PIK3C2G: variants seen among roughly 807,000 people sequenced by gnomAD.
The protein encoded by PIK3C2G is phosphatidylinositol-4-phosphate 3-kinase catalytic subunit type 2 gamma.
Under a neutral mutation model 181.1 loss-of-function variants are expected in PIK3C2G, and 168 were observed. The observed-to-expected ratio is 0.93, with a 90% CI of 0.82 to 1.05. PIK3C2G has a LOEUF of 1.05. Among genes scored for constraint, PIK3C2G ranks in the 50% least tolerant of loss-of-function variants. PIK3C2G has a pLI of 0.00. For missense variants in PIK3C2G, 1,869 were observed against 1,732.8 expected (o/e 1.08, Z -1.40); for synonymous variants, 573 against 592.2 (o/e 0.97, Z 0.47).
At chr12:18,421,639 G>C (rs530184826) in intron 17 of PIK3C2G, among the ~76,000 whole-genome samples, 106 of 152,100 alleles carry the variant, frequency 7.0e-4, no homozygotes, top group Middle Eastern at 3.4e-3. Flanking sequence ...AAATAACAGA[G>C]TATCTAATAG....
chr12:18,500,691 C>T (rs207472699), intron 22 of PIK3C2G, among the ~76,000 whole-genome samples: 1 of 152,120 alleles, frequency 6.6e-6, no homozygotes, highest in East Asian at 1.9e-4. Context: ...ACAGACCACT[C>T]GGCTCTACCA....
intron 6 of PIK3C2G, among the ~76,000 whole-genome samples, chr12:18,320,373 T>C (rs1189552792): frequency 6.6e-6 from 1 of 152,092 alleles, no homozygotes; most frequent in Non-Finnish European, 1.5e-5. Context: ...GCCATAGGCA[T>C]GATATTTTAA....
At chr12:18,373,616 G>A (rs1010821045) in intron 13 of PIK3C2G, among the ~76,000 whole-genome samples, 11 of 152,106 alleles carry the variant, frequency 7.2e-5, no homozygotes, top group African/African-American at 2.7e-4. Flanking sequence ...TTGGGAGGCC[G>A]AGGCGGGTGG....
chr12:18,324,380 T>C (rs1196196661), intron 7 of PIK3C2G, among the ~76,000 whole-genome samples: 2 of 150,100 alleles, frequency 1.3e-5, no homozygotes, highest in Non-Finnish European at 3.0e-5. Flanking sequence ...GTAAAAATAA[T>C]GGTGTTTGTT....
At chr12:18,529,025 G>A (rs937480108) in intron 24 of PIK3C2G, among the ~76,000 whole-genome samples, 4 of 152,060 alleles carry the variant, frequency 2.6e-5, no homozygotes, top group Non-Finnish European at 4.4e-5. Context: ...GTTCAAAGTT[G>A]TAGGTAATAA....
intron 1 of PIK3C2G, among the ~76,000 whole-genome samples, chr12:18,272,526 T>C (rs983704669): frequency 2.0e-5 from 3 of 152,170 alleles, no homozygotes; most frequent in Non-Finnish European, 2.9e-5. Flanking sequence ...TTTATTTATT[T>C]CTCTTCTACA....
At chr12:18,531,695 C>T (rs1367986178) in intron 24 of PIK3C2G, among the ~76,000 whole-genome samples, 1 of 152,142 alleles carries the variant, frequency 6.6e-6, no homozygotes, top group Non-Finnish European at 1.5e-5. Flanking sequence ...TTAATTCAAG[C>T]TGTTGTGTTT....
At chr12:18,414,824 G>A (rs774999889) in intron 16 of PIK3C2G, among the ~76,000 whole-genome samples, 5 of 152,060 alleles carry the variant, frequency 3.3e-5, no homozygotes, top group East Asian at 3.9e-4. Context: ...TTTTTAATGC[G>A]GCCAACACTT....
chr12:18,547,664 C>CAAAACAAAACAAAACAAAACA (rs1555120939), intron 26 of PIK3C2G, among the ~76,000 whole-genome samples: 21 of 151,300 alleles, frequency 1.4e-4, no homozygotes, highest in African/African-American at 4.6e-4. Context: ...CAAAACAAAA[C>CAAAACAAAACAAAACAAAACA]AAAAAAAACC....
chr12:18,451,798 G>A (rs1055411347), intron 18 of PIK3C2G, among the ~76,000 whole-genome samples: 12 of 152,072 alleles, frequency 7.9e-5, no homozygotes, highest in South Asian at 2.1e-4. Context: ...GAATTTTATC[G>A]AAGGCCTTTT....
intron 31 of PIK3C2G, among the ~76,000 whole-genome samples, chr12:18,635,060 G>C (rs1949530316): frequency 1.3e-5 from 2 of 152,152 alleles, no homozygotes; most frequent in South Asian, 2.1e-4. Context: ...CAGGTGAACT[G>C]CTTGAAATTT....
exon 1 of PIK3C2G, chr12:18,247,681 G>C (rs1454631690): frequency 6.6e-6 from 1 of 152,192 alleles, no homozygotes. Flanking sequence ...CTTTCCAGTT[G>C]ATCAGCACCA....
the PIK3C2G span, among the ~76,000 whole-genome samples, chr12:18,720,830 G>A: frequency 6.6e-6 from 1 of 151,992 alleles, no homozygotes; most frequent in East Asian, 1.9e-4. Flanking sequence ...ACAAATTAAA[G>A]CTCAAAATAT....
At chr12:18,368,475 T>C (rs1941799045) in intron 12 of PIK3C2G, among the ~76,000 whole-genome samples, 1 of 152,200 alleles carries the variant, frequency 6.6e-6, no homozygotes, top group Non-Finnish European at 1.5e-5. Flanking sequence ...CTTGGACCCA[T>C]CCTATCCGCA....
chr12:18,631,976 G>T (rs1429239948), intron 31 of PIK3C2G, among the ~76,000 whole-genome samples: 1 of 152,086 alleles, frequency 6.6e-6, no homozygotes, highest in African/African-American at 2.4e-5. Context: ...CCCCACTGGG[G>T]TCAGTTTTGT....
chr12:18,586,623 C>T (rs1946795251), intron 29 of PIK3C2G, among the ~76,000 whole-genome samples: 1 of 152,072 alleles, frequency 6.6e-6, no homozygotes, highest in Admixed American at 6.6e-5. Flanking sequence ...AGATTCATAG[C>T]TGAATTCTAC....
intron 29 of PIK3C2G, among the ~76,000 whole-genome samples, chr12:18,572,544 C>T (rs1946010889): frequency 6.6e-6 from 1 of 151,238 alleles, no homozygotes; most frequent in Non-Finnish European, 1.5e-5. Flanking sequence ...TGCACTTTTA[C>T]TATAATCTAC....
chr12:18,279,434 A>G (rs1392385954), intron 1 of PIK3C2G, among the ~76,000 whole-genome samples: 2 of 152,040 alleles, frequency 1.3e-5, no homozygotes, highest in African/African-American at 4.8e-5. Flanking sequence ...GCATTATCAG[A>G]CCATTGATAC....
chr12:18,499,681 C>T (rs1336615956), intron 22 of PIK3C2G, among the ~76,000 whole-genome samples: 5 of 152,180 alleles, frequency 3.3e-5, no homozygotes, highest in Non-Finnish European at 7.3e-5. Flanking sequence ...CAGACTTCCC[C>T]GGAGGTGGAG....
Sources: allele counts gnomAD v4.1 joint callset (sites outside exome capture counted in the v4.1 genomes callset), GRCh38; gene constraint gnomAD v4.1.1; transcripts MANE v1.5; gene names NCBI Gene and HGNC (gene_info 2026-07-23, HGNC 2026-07-21).